Variants in RYR2 observed in about 807,000 individuals in gnomAD.
RYR2 encodes the protein cardiac muscle ryanodine receptor-calcium release channel.
In RYR2, 227 loss-of-function variants were observed where a neutral mutation model predicts 601.1. That is an observed-to-expected ratio of 0.38 (90% CI 0.34 to 0.42). The LOEUF (loss-of-function observed/expected upper bound fraction) is 0.42. Among genes scored for constraint, RYR2 ranks in the 10% least tolerant of loss-of-function variants. The pLI is 1.00. For missense variants in RYR2, 4,646 were observed against 6,156.5 expected (o/e 0.75, Z 8.21); for synonymous variants, 2,223 against 2,175.1 (o/e 1.02, Z -0.61).
chr1:237,348,908 C>G (rs1463251930), intron 3 of RYR2, among the ~76,000 whole-genome samples: 1 of 151,998 alleles, frequency 6.6e-6, no homozygotes, highest in Non-Finnish European at 1.5e-5. Flanking sequence ...GCAGCTGGGA[C>G]ATAGTTGAAG....
chr1:237,287,826 T>G (rs1489796063), intron 2 of RYR2, among the ~76,000 whole-genome samples: 1 of 152,222 alleles, frequency 6.6e-6, no homozygotes, highest in Non-Finnish European at 1.5e-5. Context: ...CAGGGATTTC[T>G]TCTTGGTTTG....
Position 237,064,180 on chromosome 1 carries a change from T to G in RYR2, c.48+21611T>G, listed in dbSNP as rs1196834977. Among the ~76,000 whole-genome samples the G allele has an allele frequency of 4.6e-5, 7 of 152,318 alleles. No individual in the cohort carries two copies. The East Asian group carries it at 1.4e-3, about 29-fold the overall frequency. On this transcript the variant is annotated intron_variant, in intron 1 of 104. Coordinates refer to ENST00000366574, the MANE Select transcript of RYR2 (RefSeq NM_001035.3). ...ACATTCTTTTCTGTATTTTCATTCC[T>G]TTTATTTTTTCTTTGTACTTAATTC...
intron 63 of RYR2, among the ~76,000 whole-genome samples, chr1:237,694,495 G>A (rs1022240827): frequency 6.6e-6 from 1 of 152,032 alleles, no homozygotes. Context: ...GTAGTACTAT[G>A]ACAATATGCA....
At chr1:237,182,103 G>GTTTGTTTA (rs371289277) in intron 1 of RYR2, among the ~76,000 whole-genome samples, 26 of 148,548 alleles carry the variant, frequency 1.8e-4, no homozygotes, top group Non-Finnish European at 8.9e-5. Context: ...ACTCCCTGGG[G>GTTTGTTTA]TTTATTTATT....
Position 237,640,906 on chromosome 1 carries a change from G to A in RYR2, c.7125G>A (p.Glu2375=), listed in dbSNP as rs1681399039. ...NSGSSKTLDT[E]EEEDDTIHMG... is the part of the protein sequence containing the mutation. ...GAAACATTCATGAAAGTGACACAGA[G>A]GAGGAGGAAGATGACACTATCCACA... The change falls in exon 47 of 105, where the codon GAG becomes GAA. Residue 2375 remains glutamate (E), a synonymous_variant. Coordinates refer to ENST00000366574, the MANE Select transcript of RYR2 (RefSeq NM_001035.3). 2 of 1,612,440 alleles carry A rather than the reference G, an allele frequency of 1.2e-6. No individual in the cohort carries two copies. Among genetic ancestry groups the A allele is most frequent in the Non-Finnish European group, 1.7e-6 (2 of 1,179,076 alleles).
At chr1:237,245,693 A>G (rs971839741) in intron 1 of RYR2, among the ~76,000 whole-genome samples, 4 of 152,228 alleles carry the variant, frequency 2.6e-5, no homozygotes, top group Admixed American at 6.5e-5. Context: ...AATGTATTAT[A>G]TCAACAATTG....
chr1:237,209,040 A>G (rs569581450), intron 1 of RYR2, among the ~76,000 whole-genome samples: 18 of 130,650 alleles, frequency 1.4e-4, no homozygotes, highest in African/African-American at 4.7e-4. Flanking sequence ...AAAAAGTTTA[A>G]TATTAATATA....
rs376057173 is a variant in RYR2, at chr1:237,640,939, C to T, written c.7158C>T (p.Asn2386=). The T allele has an allele frequency of 1.2e-4, 186 of 1,613,488 alleles. No homozygotes were observed. The highest frequency in any genetic ancestry group is 2.7e-4 in the East Asian group (12 of 44,878). The change falls in exon 47 of 105, where the codon AAC becomes AAT. Residue 2386 remains asparagine (N), a synonymous_variant. Transcript: ENST00000366574. ...EEEDDTIHMG[N]AIMTFYSALI... ...AAGATGACACTATCCACATGGGGAA[C>T]GCGATCATGACCTTCTATTCAGCTT...
chr1:237,177,027 GT>G (rs1264416508), intron 1 of RYR2, among the ~76,000 whole-genome samples: 1 of 152,132 alleles, frequency 6.6e-6, no homozygotes, highest in Admixed American at 6.5e-5. Context: ...AGATCTTTTT[GT>G]AAACAAAAAC....
chr1:237,781,891 C>G (rs1695144285), intron 89 of RYR2, among the ~76,000 whole-genome samples: 1 of 152,076 alleles, frequency 6.6e-6, no homozygotes, highest in East Asian at 1.9e-4. Flanking sequence ...CTTTTCATTT[C>G]ATAGTGATAT....
At position 237,784,459 on chromosome 1, in the gene RYR2, G is replaced by A. The variant is rs1695385545; in HGVS notation, c.12747G>A (p.Arg4249=). 8 of 1,613,602 alleles carry A rather than the reference G, an allele frequency of 5.0e-6. No homozygotes were observed. In the East Asian group the frequency reaches 1.8e-4, roughly 36 times the overall value. The stretch of plus-strand genomic sequence containing the variant: ...TCAGGTCGGCCCTGTTTGCGCTCAG[G>A]TACAATATCTTGACCCTTATGCGAA... ...LTVRSALFAL[R]YNILTLMRML... The change falls in exon 90 of 105, where the codon AGG becomes AGA. Residue 4249 remains arginine (R), a synonymous_variant. Transcript: ENST00000366574. The surrounding 1 kb of genome is among the most constrained non-coding windows in gnomAD (Gnocchi z 7.1).
intron 38 of RYR2, among the ~76,000 whole-genome samples, chr1:237,619,889 A>G (rs1678894970): frequency 6.6e-6 from 1 of 152,190 alleles, no homozygotes; most frequent in South Asian, 2.1e-4. Flanking sequence ...GGAAATCAAG[A>G]CATTCTCAAA....
At chr1:237,816,782 A>T in intron 100 of RYR2, among the ~76,000 whole-genome samples, 1 of 152,220 alleles carries the variant, frequency 6.6e-6, no homozygotes. Context: ...GCCTGAGTAT[A>T]TGGTGAAAAT....
At chr1:237,427,399 G>T (rs576236535) in intron 12 of RYR2, among the ~76,000 whole-genome samples, 29 of 152,074 alleles carry the variant, frequency 1.9e-4, no homozygotes, top group Non-Finnish European at 3.8e-4. Context: ...TTTCATATTT[G>T]GGCATGCAGC....
chr1:237,334,699 A>T (rs2149586029), intron 3 of RYR2, among the ~76,000 whole-genome samples: 1 of 152,178 alleles, frequency 6.6e-6, no homozygotes, highest in Admixed American at 6.5e-5. Flanking sequence ...CTGCCTATGC[A>T]CATTCTGGCT....
At chr1:237,389,556 G>C (rs1450546431) in intron 10 of RYR2, among the ~76,000 whole-genome samples, 1 of 152,192 alleles carries the variant, frequency 6.6e-6, no homozygotes, top group Admixed American at 6.5e-5. Context: ...CCCAGATAAT[G>C]CCATCAGAAT....
chr1:237,200,884 G>A lies in RYR2; in HGVS notation c.49-69613G>A, dbSNP rs114002875. On this transcript the variant is annotated intron_variant, in intron 1 of 104. Coordinates refer to ENST00000366574, the MANE Select transcript of RYR2 (RefSeq NM_001035.3). ...TTCTGTGACTATCTACTTTAGTTGT[G>A]ATTCTCTCAGTTGTTTGCTTAGGAG... is the stretch of plus-strand genomic sequence containing the variant. Among the ~76,000 whole-genome samples the A allele has an allele frequency of 2.2e-3, 338 of 152,292 alleles. 1 individual carries two copies. The highest frequency in any genetic ancestry group is 2.8e-3 in the Non-Finnish European group (190 of 68,026).
Position 237,818,231 on chromosome 1 carries a change from T to C in RYR2, c.14434-805T>C, listed in dbSNP as rs552862742. On this transcript the variant is annotated intron_variant, in intron 100 of 104. Coordinates refer to ENST00000366574, the MANE Select transcript of RYR2 (RefSeq NM_001035.3). ...CCCCTGCCCCAGGACATTTGGTATCTGGAGATATCTGTTATTGTCACTATG... is the reference window on the plus strand; with the variant it reads ...CCCCTGCCCCAGGACATTTGGTATCCGGAGATATCTGTTATTGTCACTATG... Among the ~76,000 whole-genome samples the C allele has an allele frequency of 1.4e-4, 22 of 152,250 alleles. No individual in the cohort carries two copies. In the South Asian group the frequency reaches 3.7e-3, roughly 26 times the overall value.
At chr1:237,351,006 A>G (rs1354716307) in intron 3 of RYR2, among the ~76,000 whole-genome samples, 2 of 152,130 alleles carry the variant, frequency 1.3e-5, no homozygotes, top group African/African-American at 4.8e-5. Flanking sequence ...ACCAAAATTG[A>G]TTATGGAGGA....
Sources: allele counts gnomAD v4.1 joint callset (sites outside exome capture counted in the v4.1 genomes callset), GRCh38; gene constraint gnomAD v4.1.1; non-coding constraint Gnocchi (gnomAD v3.1); transcripts MANE v1.5; gene names NCBI Gene and HGNC (gene_info 2026-07-23, HGNC 2026-07-21).